UGP2: variants seen among roughly 807,000 people sequenced by gnomAD.
UGP2 encodes the protein UDP-glucose pyrophosphorylase 2, also known as UTP--glucose-1-phosphate uridylyltransferase.
UGP2 carries 40 observed loss-of-function variants against 49.0 expected under a neutral mutation model. The observed-to-expected ratio is 0.82, with a 90% CI of 0.63 to 1.06. The LOEUF (loss-of-function observed/expected upper bound fraction) is 1.06, where lower values mean the gene tolerates loss of function less well. Among genes scored for constraint, UGP2 ranks in the 50% least tolerant of loss-of-function variants. The probability of loss-of-function intolerance (pLI) is 0.00; values close to 1 mark genes in which losing one functional copy is unlikely to be tolerated. For synonymous variants in UGP2, 225 were observed against 213.0 expected (o/e 1.06, Z -0.49); for missense variants, 460 against 603.5 (o/e 0.76, Z 2.49).
chr2:63,844,392 G>A (rs1000660248), intron 1 of UGP2, among the ~76,000 whole-genome samples: 5 of 152,034 alleles, frequency 3.3e-5, no homozygotes, highest in Admixed American at 1.3e-4. Flanking sequence ...AGTAGTTCAT[G>A]CTCCTTCATA....
chr2:63,891,278 A>C lies in UGP2; in HGVS notation c.*51A>C. ...ATAATGGGCTAGTTTCTTACAATGA[A>C]ATGTTCTCTAGGATTCTAAAATAGG... On this transcript the variant is annotated 3_prime_UTR_variant, in exon 10 of 10. Transcript: ENST00000337130. 6.7e-7 allele frequency: 1 copy of C among 1,483,440 alleles called. No homozygotes were observed. 91.9% of individuals were successfully genotyped at this position (1,483,440 alleles called of 1,614,324 possible).
At chr2:63,863,105 TCTATAAA>T (rs1669959769) in intron 3 of UGP2, among the ~76,000 whole-genome samples, 1 of 152,184 alleles carries the variant, frequency 6.6e-6, no homozygotes, top group Admixed American at 6.5e-5. Context: ...TCAGCTGACT[TCTATAAA>T]AAGGTGATGA....
Position 63,857,907 on chromosome 2 carries a change from G to C in UGP2, c.226G>C (p.Gly76Arg), listed in dbSNP as rs752682053. Reference sequence around the variant, plus strand: ...AGAAAAGGGGCCTTCTGTGGATTGGGGAAAAATCCAGAGACCCCCTGAAGA... The same window carrying C: ...AGAAAAGGGGCCTTCTGTGGATTGGCGAAAAATCCAGAGACCCCCTGAAGA... ...LQEKGPSVDWGKIQRPPEDSI... is the reference protein window; with the variant it reads ...LQEKGPSVDWRKIQRPPEDSI... The change falls in exon 3 of 10, where the codon GGA becomes CGA. Residue 76 changes from glycine to arginine, a missense_variant. Physicochemically the swap from Gly to Arg is moderately radical, Grantham distance 125 (BLOSUM62 -2). Transcript: ENST00000337130. 1.9e-6 allele frequency: 3 copies of C among 1,613,962 alleles called. No homozygotes were observed. Among genetic ancestry groups the C allele is most frequent in the Non-Finnish European group, 2.5e-6 (3 of 1,179,930 alleles).
intron 8 of UGP2, 52 bp from the exon 9 acceptor site, chr2:63,890,029 C>A: frequency 7.3e-7 from 1 of 1,374,614 alleles, no homozygotes; most frequent in Admixed American, 2.1e-5. Flanking sequence ...TTTTTCCTGT[C>A]TTTCTTTGAA....
intron 3 of UGP2, among the ~76,000 whole-genome samples, chr2:63,867,964 AT>A (rs1670290087): frequency 6.6e-6 from 1 of 152,234 alleles, no homozygotes; most frequent in Non-Finnish European, 1.5e-5. Context: ...AATAAACAAC[AT>A]TATGAACATG....
chr2:63,881,510 A>G (rs1671313299), intron 3 of UGP2, among the ~76,000 whole-genome samples: 1 of 152,230 alleles, frequency 6.6e-6, no homozygotes, highest in South Asian at 2.1e-4. Flanking sequence ...TTGAGGACCT[A>G]TTCCATTAAA....
At chr2:63,880,725 G>A (rs76084943) in intron 3 of UGP2, among the ~76,000 whole-genome samples, 2 of 152,090 alleles carry the variant, frequency 1.3e-5, no homozygotes, top group Non-Finnish European at 2.9e-5. Context: ...GTGTTGGGGG[G>A]TCAAGTTGTT....
chr2:63,843,054 C>G (rs930520180), intron 1 of UGP2, among the ~76,000 whole-genome samples: 7 of 152,104 alleles, frequency 4.6e-5, no homozygotes, highest in Non-Finnish European at 8.8e-5. Context: ...GATGAACACA[C>G]AGCTAGTAAA....
chr2:63,866,940 T>C (rs1255691414), intron 3 of UGP2, among the ~76,000 whole-genome samples: 2 of 152,218 alleles, frequency 1.3e-5, no homozygotes, highest in African/African-American at 4.8e-5. Flanking sequence ...TTCTCGTGGT[T>C]CTTGGTCACT....
chr2:63,847,922 T>C (rs1426716239), intron 1 of UGP2, among the ~76,000 whole-genome samples: 3 of 152,230 alleles, frequency 2.0e-5, no homozygotes, highest in Non-Finnish European at 4.4e-5. Flanking sequence ...ATAGGCATTA[T>C]GAGTTCTCAG....
Position 63,884,159 on chromosome 2 carries a change from A to G in UGP2, c.575+66A>G, listed in dbSNP as rs549019536. The G allele has an allele frequency of 2.5e-6, 4 of 1,574,372 alleles. No individual in the cohort carries two copies. In the African/African-American group the frequency reaches 4.1e-5, roughly 16 times the overall value. On this transcript the variant is annotated intron_variant, in intron 5 of 9. Coordinates refer to ENST00000337130, the MANE Select transcript of UGP2 (RefSeq NM_006759.4). ...GGGAAAGGACTTCTTTATCTTGTTTATAACAGAGCAGTTTCAAGATGTACA... is the reference window on the plus strand; with the variant it reads ...GGGAAAGGACTTCTTTATCTTGTTTGTAACAGAGCAGTTTCAAGATGTACA...
intron 3 of UGP2, among the ~76,000 whole-genome samples, chr2:63,858,858 T>G (rs1669631690): frequency 4.0e-5 from 6 of 151,740 alleles, no homozygotes; most frequent in Admixed American, 2.6e-4. Flanking sequence ...TTATAATAAA[T>G]TTAGGCACTA....
intron 3 of UGP2, among the ~76,000 whole-genome samples, chr2:63,871,468 T>C (rs1670547195): frequency 2.0e-5 from 3 of 152,322 alleles, no homozygotes; most frequent in South Asian, 4.1e-4. Flanking sequence ...GTACTTTTAG[T>C]AGAGACGGGG....
At chr2:63,842,278 G>C (rs1317053584) in intron 1 of UGP2, 74 bp downstream of exon 1, 4 of 1,608,332 alleles carry the variant, frequency 2.5e-6, no homozygotes, top group Non-Finnish European at 3.4e-6. Context: ...AGGTTGGTGG[G>C]TGGTTTGGAA....
At chr2:63,879,709 A>G (rs1305792659) in intron 3 of UGP2, among the ~76,000 whole-genome samples, 1 of 152,188 alleles carries the variant, frequency 6.6e-6, no homozygotes, top group African/African-American at 2.4e-5. Context: ...TCCTTTTTTA[A>G]AAATGTTATT....
intron 3 of UGP2, among the ~76,000 whole-genome samples, chr2:63,861,978 G>C (rs535380461): frequency 9.9e-5 from 15 of 152,114 alleles, no homozygotes; most frequent in Non-Finnish European, 2.1e-4. Context: ...GCAGAGTACA[G>C]ATACATAGCA....
intron 1 of UGP2, among the ~76,000 whole-genome samples, chr2:63,852,510 A>C (rs1300597089): frequency 6.6e-6 from 1 of 152,218 alleles, no homozygotes; most frequent in African/African-American, 2.4e-5. Flanking sequence ...TTGGCTTTTG[A>C]GACATGCCTG....
In UGP2 at chr2:63,857,844, C is replaced by G. The variant is rs138371007; in HGVS notation, c.163C>G (p.Leu55Val). 342 of 1,613,790 alleles carry G rather than the reference C, an allele frequency of 2.1e-4. No individual in the cohort carries two copies. The highest frequency in any genetic ancestry group is 2.6e-4 in the Non-Finnish European group (307 of 1,179,900). The change falls in exon 3 of 10, where the codon CTG (leucine) becomes GTG (valine). Residue 55 changes from leucine to valine, a missense_variant. Leu to Val is a conservative substitution (Grantham distance 32). Around this residue, in one of 2 missense-constraint regions of UGP2, gnomAD observed 143 missense variants for 130.4 expected, o/e 1.10. Coordinates refer to ENST00000337130, the MANE Select transcript of UGP2 (RefSeq NM_006759.4). ...SHEFEHTKKDLDGFRKLFHRF... is the reference protein window; with the variant it reads ...SHEFEHTKKDVDGFRKLFHRF... Reference sequence around the variant, plus strand: ...ATTTTCACAGCACACCAAAAAAGACCTGGATGGATTTCGGAAGCTATTTCA... The same window carrying G: ...ATTTTCACAGCACACCAAAAAAGACGTGGATGGATTTCGGAAGCTATTTCA...
chr2:63,890,084 C>A lies in UGP2; in HGVS notation c.1318C>A (p.Gln440Lys). 6.2e-7 allele frequency: 1 copy of A among 1,605,792 alleles called. No individual in the cohort carries two copies. Among genetic ancestry groups the A allele is most frequent in the South Asian group, 1.1e-5 (1 of 89,646 alleles). Residue 440 changes from glutamine to lysine, a missense_variant, in exon 9 of 10, where the codon CAA becomes AAA. Coordinates refer to ENST00000337130, the MANE Select transcript of UGP2 (RefSeq NM_006759.4). Reference sequence around the variant, plus strand: ...TATGTTTCTCCTTTTCTGTAAGGTTCAAGATTATCTAAGAAGATTTGAAAG... The same window carrying A: ...TATGTTTCTCCTTTTCTGTAAGGTTAAAGATTATCTAAGAAGATTTGAAAG... ...VKLGSSFTKVQDYLRRFESIP... is the reference protein window; with the variant it reads ...VKLGSSFTKVKDYLRRFESIP...
Sources: allele counts gnomAD v4.1 joint callset (sites outside exome capture counted in the v4.1 genomes callset), GRCh38; gene constraint gnomAD v4.1.1; regional missense constraint gnomAD v4.1.1; transcripts MANE v1.5; gene names NCBI Gene and HGNC (gene_info 2026-07-23, HGNC 2026-07-21).